ROBO2: variants seen among roughly 807,000 people sequenced by gnomAD.
ROBO2 encodes the protein roundabout guidance receptor 2, also known as roundabout homolog 2.
Under a neutral mutation model 160.8 loss-of-function variants are expected in ROBO2, and 53 were observed. The observed-to-expected ratio is 0.33, with a 90% CI of 0.26 to 0.41. ROBO2 has a LOEUF of 0.41. Among genes scored for constraint, ROBO2 ranks in the 10% least tolerant of loss-of-function variants. The probability of loss-of-function intolerance (pLI) is 1.00; values close to 1 mark genes in which losing one functional copy is unlikely to be tolerated. For missense variants in ROBO2, 1,577 were observed against 1,722.4 expected, an observed-to-expected ratio of 0.92 and a Z score of 1.49; for synonymous variants, 664 against 611.7, an observed-to-expected ratio of 1.09 and a Z score of -1.26.
intron 2 of ROBO2, among the ~76,000 whole-genome samples, chr3:77,392,942 A>G (rs1273137084): frequency 6.6e-6 from 1 of 152,136 alleles, no homozygotes; most frequent in African/African-American, 2.4e-5. Flanking sequence ...TTTTGTGCTG[A>G]TATTAGAAGT....
At chr3:77,474,160 G>T (rs1205694439) in intron 2 of ROBO2, among the ~76,000 whole-genome samples, 3 of 152,272 alleles carry the variant, frequency 2.0e-5, no homozygotes, top group Non-Finnish European at 4.4e-5. Flanking sequence ...GAGCCGAAAA[G>T]ACTTAGTCCC....
intron 2 of ROBO2, among the ~76,000 whole-genome samples, chr3:76,471,869 G>A (rs2078672288): frequency 1.3e-5 from 2 of 152,094 alleles, no homozygotes; most frequent in Admixed American, 6.6e-5. Context: ...AGCAAAGGGG[G>A]AAAAGCCCAT....
chr3:77,305,994 T>C (rs1360550190), intron 2 of ROBO2, among the ~76,000 whole-genome samples: 2 of 152,134 alleles, frequency 1.3e-5, no homozygotes, highest in Non-Finnish European at 2.9e-5. Flanking sequence ...ATAACAAATC[T>C]AGAGACACAA....
At chr3:77,632,570 T>C (rs1297501224) in intron 23 of ROBO2, 1 of 1,535,716 alleles carries the variant, frequency 6.5e-7, no homozygotes. Flanking sequence ...GGCTCTATCT[T>C]TGCCAGCGGC....
At chr3:76,219,726 G>A (rs562818916) in intron 2 of ROBO2, among the ~76,000 whole-genome samples, 15 of 152,298 alleles carry the variant, frequency 9.8e-5, no homozygotes, top group South Asian at 8.3e-4. Flanking sequence ...TACACTGTTC[G>A]TGGGACTGTA....
intron 2 of ROBO2, among the ~76,000 whole-genome samples, chr3:76,111,921 A>G (rs2070249109): frequency 1.3e-5 from 2 of 152,264 alleles, no homozygotes; most frequent in Non-Finnish European, 2.9e-5. Flanking sequence ...TAAGATGTCT[A>G]AATCTGCACA....
intron 24 of ROBO2, among the ~76,000 whole-genome samples, chr3:77,638,757 C>A (rs1412563685): frequency 6.7e-6 from 1 of 149,684 alleles, no homozygotes; most frequent in Non-Finnish European, 1.5e-5. Context: ...ATAGATCTGT[C>A]TATCCATCAA....
chr3:76,386,336 TC>T (rs2076883456), intron 2 of ROBO2, among the ~76,000 whole-genome samples: 1 of 54,954 alleles, frequency 1.8e-5, no homozygotes, highest in Non-Finnish European at 3.5e-5. Context: ...CTTCCCTCCC[TC>T]CCTCCCTCCC....
chr3:77,300,100 T>C (rs561967811), intron 2 of ROBO2, among the ~76,000 whole-genome samples: 1 of 152,290 alleles, frequency 6.6e-6, no homozygotes, highest in East Asian at 1.9e-4. Context: ...TTTGTAACTT[T>C]AATCACTTTT....
At chr3:76,255,929 C>G (rs1516484) in intron 2 of ROBO2, among the ~76,000 whole-genome samples, 3,701 of 152,000 alleles carry the variant, frequency 0.024, 63 homozygotes, top group South Asian at 0.066. Flanking sequence ...TGAATATGTA[C>G]TGTAGTTAGC....
intron 2 of ROBO2, among the ~76,000 whole-genome samples, chr3:76,503,721 C>T (rs544100193): frequency 9.2e-4 from 140 of 152,246 alleles, no homozygotes; most frequent in African/African-American, 3.3e-3. Flanking sequence ...CTCTCAATCT[C>T]ACTTACATGT....
At chr3:75,915,602 T>C (rs1157993643) in intron 1 of ROBO2, among the ~76,000 whole-genome samples, 4 of 152,196 alleles carry the variant, frequency 2.6e-5, no homozygotes, top group Non-Finnish European at 4.4e-5. Context: ...TGTGTATTTT[T>C]CAGTGGTGGC....
chr3:77,390,982 T>C (rs1350310460), intron 2 of ROBO2, among the ~76,000 whole-genome samples: 1 of 152,084 alleles, frequency 6.6e-6, no homozygotes, highest in Non-Finnish European at 1.5e-5. Flanking sequence ...CCTTTGAATT[T>C]CAGACCTGCC....
chr3:77,433,486 G>GTACATATATATATATATAGATATATA (rs1325507347), intron 2 of ROBO2, among the ~76,000 whole-genome samples: 1 of 99,402 alleles, frequency 1.0e-5, no homozygotes, highest in Non-Finnish European at 2.1e-5. Flanking sequence ...CTGGCAACTT[G>GTACATATATATATATATAGATATATA]TATATATATA....
chr3:76,992,825 T>A (rs1030307674), intron 2 of ROBO2, among the ~76,000 whole-genome samples: 3 of 152,100 alleles, frequency 2.0e-5, no homozygotes, highest in Non-Finnish European at 4.4e-5. Flanking sequence ...TTTACTTTTT[T>A]AATTTTTTTT....
At chr3:77,200,097 C>T (rs1488384981) in intron 2 of ROBO2, among the ~76,000 whole-genome samples, 3 of 149,886 alleles carry the variant, frequency 2.0e-5, no homozygotes, top group Admixed American at 6.7e-5. Flanking sequence ...TGTATAAAAA[C>T]GACATTAGAA....
intron 2 of ROBO2, among the ~76,000 whole-genome samples, chr3:76,851,452 G>A (rs903847977): frequency 2.6e-5 from 4 of 152,098 alleles, no homozygotes; most frequent in Admixed American, 1.3e-4. Context: ...ATATTAACAT[G>A]TGGCCGGGCG....
chr3:77,489,536 A>G (rs2085808041), intron 4 of ROBO2, among the ~76,000 whole-genome samples: 1 of 152,164 alleles, frequency 6.6e-6, no homozygotes, highest in Admixed American at 6.5e-5. Flanking sequence ...AACAAGTACC[A>G]TGACTAAAAA....
At chr3:76,272,691 A>G (rs1707517981) in intron 2 of ROBO2, among the ~76,000 whole-genome samples, 1 of 130,802 alleles carries the variant, frequency 7.6e-6, no homozygotes, top group Non-Finnish European at 1.6e-5. Flanking sequence ...ATATATATAT[A>G]TATTCTATAT....
Sources: gnomAD v4.1 joint callset for allele counts (sites outside exome capture counted in the v4.1 genomes callset) on GRCh38, gnomAD v4.1.1 for gene constraint, MANE v1.5 for transcripts, NCBI Gene and HGNC (gene_info 2026-07-23, HGNC 2026-07-21) for gene names.